The following GABPB1 variants were observed in gnomAD, a reference collection of about 807,000 sequenced individuals.
GABPB1 encodes GA binding protein transcription factor subunit beta 1.
GABPB1 carries 15 observed loss-of-function variants against 45.9 expected under a neutral mutation model. That is an observed-to-expected ratio of 0.33 (90% CI 0.22 to 0.50). The LOEUF is 0.50. GABPB1 is among the 20% of genes least tolerant of loss of function. The pLI is 0.98. For synonymous variants in GABPB1, 143 were observed against 154.4 expected (o/e 0.93, Z 0.55); for missense variants, 252 against 457.5 (o/e 0.55, Z 4.10).
intron 1 of GABPB1, chr15:50,346,440 A>G (rs988745643): frequency 2.0e-5 from 3 of 152,176 alleles, no homozygotes; most frequent in African/African-American, 4.8e-5. Flanking sequence ...AAATCTGACA[A>G]CAGGAGTCCA....
intron 1 of GABPB1, among the ~76,000 whole-genome samples, chr15:50,310,576 T>C (rs1052371034): frequency 7.2e-5 from 11 of 152,352 alleles, no homozygotes; most frequent in African/African-American, 2.4e-4. Context: ...AAAAACAAAT[T>C]TTCTGCCCTC....
At chr15:50,333,964 A>AG (rs2048031195) in intron 1 of GABPB1, among the ~76,000 whole-genome samples, 2 of 149,310 alleles carry the variant, frequency 1.3e-5, no homozygotes, top group African/African-American at 4.9e-5. Flanking sequence ...CAGAAGGCGG[A>AG]GGTTGCAGTG....
chr15:50,302,373 T>C (rs2046781412), intron 4 of GABPB1, among the ~76,000 whole-genome samples: 1 of 152,132 alleles, frequency 6.6e-6, no homozygotes, highest in South Asian at 2.1e-4. Context: ...CCAGGCGCAG[T>C]GGCTCACGCC....
intron 1 of GABPB1, among the ~76,000 whole-genome samples, chr15:50,335,102 A>G (rs988480000): frequency 6.6e-6 from 1 of 152,174 alleles, no homozygotes; most frequent in Non-Finnish European, 1.5e-5. Context: ...AACCTAAATT[A>G]AGTATGGCTT....
At chr15:50,338,559 C>T (rs1417459684) in intron 1 of GABPB1, among the ~76,000 whole-genome samples, 2 of 151,616 alleles carry the variant, frequency 1.3e-5, no homozygotes, top group African/African-American at 2.4e-5. Flanking sequence ...CTGCAACCTA[C>T]ACCTCCTGGG....
Position 50,286,060 on chromosome 15 carries a change from C to T in GABPB1, c.999+8G>A. On this transcript the variant is annotated splice_region_variant and intron_variant, in intron 8 of 8. Coordinates refer to ENST00000380877, the MANE Select transcript of GABPB1 (RefSeq NM_016654.5). ...GCGGCAAAGCACACCGGGTAAAAGA[C>T]TCCTTACTTCTATTTCTGCAGATTC... The T allele has an allele frequency of 6.2e-7, 1 of 1,611,034 alleles. No individual in the cohort carries two copies. The highest frequency in any genetic ancestry group is 2.2e-5 in the East Asian group (1 of 44,676).
chr15:50,284,629 T>C (rs2046095547), intron 8 of GABPB1, among the ~76,000 whole-genome samples: 2 of 152,326 alleles, frequency 1.3e-5, no homozygotes, highest in South Asian at 4.1e-4. Context: ...AATAAAGGTA[T>C]AGGCTGCACA....
At chr15:50,296,187 G>A (rs1291870670) in intron 6 of GABPB1, among the ~76,000 whole-genome samples, 1 of 152,046 alleles carries the variant, frequency 6.6e-6, no homozygotes, top group Non-Finnish European at 1.5e-5. Flanking sequence ...GCTACATTCT[G>A]GCTGTTTTGT....
At chr15:50,317,018 T>C (rs11857071) in intron 1 of GABPB1, among the ~76,000 whole-genome samples, 42,839 of 151,838 alleles carry the variant, frequency 0.28, 7,483 homozygotes, top group Middle Eastern at 0.42. Flanking sequence ...ATACTATATA[T>C]ATTCATTTGA....
At chr15:50,286,751 A>C (rs2046171832) in intron 7 of GABPB1, among the ~76,000 whole-genome samples, 4 of 152,168 alleles carry the variant, frequency 2.6e-5, no homozygotes. Context: ...GTTCATAAAC[A>C]TTGCTTGTTT....
intron 8 of GABPB1, among the ~76,000 whole-genome samples, chr15:50,283,957 C>T (rs1476911244): frequency 6.6e-6 from 1 of 152,078 alleles, no homozygotes; most frequent in Non-Finnish European, 1.5e-5. Context: ...TATTTTTGGG[C>T]CACACAGTTC....
At chr15:50,300,729 G>T in intron 6 of GABPB1, 60 bp downstream of exon 6, 1 of 1,057,656 alleles carries the variant, frequency 9.5e-7, no homozygotes, top group Non-Finnish European at 1.5e-6. Context: ...ACAGGTGTGA[G>T]CCACGGCACC....
chr15:50,294,385 G>A (rs8043475), intron 6 of GABPB1, among the ~76,000 whole-genome samples: 27,162 of 151,892 alleles, frequency 0.18, 2,580 homozygotes, highest in Middle Eastern at 0.23. Context: ...GTGGTGGCAC[G>A]TGCCTGTAGT....
intron 6 of GABPB1, among the ~76,000 whole-genome samples, chr15:50,298,929 G>A (rs1460501602): frequency 2.1e-5 from 3 of 145,370 alleles, no homozygotes; most frequent in Non-Finnish European, 3.0e-5. Flanking sequence ...TCCAGCCTGT[G>A]TGACAAAATG....
At chr15:50,278,842 T>C (rs558303440) in intron 8 of GABPB1, 58 bp from the exon 9 acceptor site, 2 of 1,339,564 alleles carry the variant, frequency 1.5e-6, no homozygotes, top group East Asian at 2.4e-5. Context: ...TATTAATACA[T>C]ATAAGCATGC....
At chr15:50,348,382 G>A (rs937615600) in intron 1 of GABPB1, among the ~76,000 whole-genome samples, 2 of 151,930 alleles carry the variant, frequency 1.3e-5, no homozygotes, top group Admixed American at 1.3e-4. Flanking sequence ...GGCCTCCCGA[G>A]TAGCCGAGAC....
In GABPB1 at chr15:50,301,367, A is replaced by G. The variant is rs752765654; in HGVS notation, c.473T>C (p.Ile158Thr). ...GNEDLAEILQIAMQNQINTNP... is the reference protein window; with the variant it reads ...GNEDLAEILQTAMQNQINTNP... Reference sequence around the variant, plus strand: ...TGTGTTGATTTGGTTCTGCATAGCAATCTAGGGAAAAAATGACCACAGTGT... The same window carrying G: ...TGTGTTGATTTGGTTCTGCATAGCAGTCTAGGGAAAAAATGACCACAGTGT... Residue 158 changes from isoleucine (I) to threonine (T), a missense_variant and splice_region_variant, in exon 5 of 9, where the codon ATT (isoleucine) becomes ACT (threonine). Ile to Thr is a moderately conservative substitution (Grantham distance 89). This residue lies in a region of GABPB1 where 193 missense variants were observed against 259.9 expected (regional missense o/e 0.74). Coordinates refer to ENST00000380877, the MANE Select transcript of GABPB1 (RefSeq NM_016654.5). 10 of 1,605,340 alleles carry G rather than the reference A, an allele frequency of 6.2e-6. No homozygotes were observed. The highest frequency in any genetic ancestry group is 1.3e-5 in the African/African-American group (1 of 74,596).
chr15:50,355,162 G>A lies in GABPB1; in HGVS notation c.-178C>T, dbSNP rs1351447375. ...CGGCGCCCAAAATCCCCACCGAAAA[G>A]TCCCCCGTGCTGCGCGCGGAGGGAC... On this transcript the variant is annotated 5_prime_UTR_variant, in exon 1 of 9. Coordinates refer to ENST00000380877, the MANE Select transcript of GABPB1 (RefSeq NM_016654.5). The A allele has an allele frequency of 6.5e-6, 1 of 153,204 alleles. No individual in the cohort carries two copies. The highest frequency in any genetic ancestry group is 1.5e-5 in the Non-Finnish European group (1 of 68,344). 9.5% of individuals were successfully genotyped at this position (153,204 alleles called of 1,614,324 possible).
chr15:50,323,001 T>C (rs2141099083), intron 1 of GABPB1, among the ~76,000 whole-genome samples: 1 of 152,270 alleles, frequency 6.6e-6, no homozygotes, highest in Non-Finnish European at 1.5e-5. Flanking sequence ...TGCACTCCTG[T>C]CTGGGCAACA....
Sources: allele counts gnomAD v4.1 joint callset (sites outside exome capture counted in the v4.1 genomes callset), GRCh38; gene constraint gnomAD v4.1.1; regional missense constraint gnomAD v4.1.1; transcripts MANE v1.5; gene names NCBI Gene and HGNC (gene_info 2026-07-23, HGNC 2026-07-21).